CLIP4: variants seen among roughly 807,000 people sequenced by gnomAD.
CLIP4 encodes CAP-Gly domain-containing linker protein 4.
Under a neutral mutation model 73.1 loss-of-function variants are expected in CLIP4, and 47 were observed. The ratio of observed to expected loss-of-function variants is 0.64; its 90% CI spans 0.51 to 0.82. CLIP4 has a LOEUF of 0.82. Among genes scored for constraint, CLIP4 ranks in the 40% least tolerant of loss-of-function variants. CLIP4 has a pLI of 0.00. For synonymous variants in CLIP4, 306 were observed against 295.4 expected, an observed-to-expected ratio of 1.04 and a Z score of -0.37; for missense variants, 874 against 852.9, an observed-to-expected ratio of 1.02 and a Z score of -0.31.
In CLIP4 at chr2:29,182,068, G is replaced by T; in HGVS notation, c.*175G>T. 1 of 469,362 alleles carries T rather than the reference G, an allele frequency of 2.1e-6. No individual in the cohort carries two copies. Among genetic ancestry groups the T allele is most frequent in the Admixed American group, 4.0e-5 (1 of 24,890 alleles). 29.1% of individuals were successfully genotyped at this position (469,362 alleles called of 1,614,324 possible). A position where few individuals can be genotyped will look rare whatever the true frequency, so the allele number is the denominator to read the frequency against. ...TACAAAGCCATGAATATGAACTATGGGGAATCATGGTTCTTTTAAAGCAAT... is the reference window on the plus strand; with the variant it reads ...TACAAAGCCATGAATATGAACTATGTGGAATCATGGTTCTTTTAAAGCAAT... On this transcript the variant is annotated 3_prime_UTR_variant, in exon 16 of 16. Transcript: ENST00000320081.
chr2:29,169,814 C>T (rs12620500), intron 14 of CLIP4, among the ~76,000 whole-genome samples: 6,928 of 152,028 alleles, frequency 0.046, 250 homozygotes, highest in South Asian at 0.16. Flanking sequence ...TGTTGTTACC[C>T]GTAATTTTCC....
rs373710914 is a variant in CLIP4, at chr2:29,181,931, T to C, written c.*38T>C. On this transcript the variant is annotated 3_prime_UTR_variant, in exon 16 of 16. Transcript: ENST00000320081. Reference sequence around the variant, plus strand: ...TTAAATAAGCTCAAATATATATATTTGGTGTAAATAAAGAGTCCATGGTAA... The same window carrying C: ...TTAAATAAGCTCAAATATATATATTCGGTGTAAATAAAGAGTCCATGGTAA... 66 of 1,505,998 alleles carry C rather than the reference T, an allele frequency of 4.4e-5. No homozygotes were observed. In the African/African-American group the frequency reaches 8.5e-4, roughly 19 times the overall value. 93.3% of individuals were successfully genotyped at this position (1,505,998 alleles called of 1,614,324 possible). A position where few individuals can be genotyped will look rare whatever the true frequency, so the allele number is the denominator to read the frequency against.
chr2:29,176,809 C>T (rs1231372685), intron 15 of CLIP4, among the ~76,000 whole-genome samples: 1 of 152,196 alleles, frequency 6.6e-6, no homozygotes, highest in Non-Finnish European at 1.5e-5. Flanking sequence ...CTCACTGGGT[C>T]CTGTCTGTAG....
intron 13 of CLIP4, among the ~76,000 whole-genome samples, chr2:29,165,336 G>T (rs1169204795): frequency 6.6e-6 from 1 of 152,076 alleles, no homozygotes; most frequent in East Asian, 1.9e-4. Flanking sequence ...ACATGCTGGG[G>T]TCTGTTTGCA....
intron 11 of CLIP4, 103 bp downstream of exon 11, chr2:29,157,450 C>A (rs1335449160): frequency 6.3e-7 from 1 of 1,581,664 alleles, no homozygotes; most frequent in Non-Finnish European, 8.7e-7. Flanking sequence ...CCCTTTACTT[C>A]AATCAGATTG....
rs577116107 is a variant in CLIP4, at chr2:29,128,449, C to CAA, written c.134-2801_134-2800dup. The stretch of plus-strand genomic sequence containing the variant: ...ATGTAGTTGTTAAAAAAAACAAAAA[C>CAA]AAAAAAAAACAAAACCCCTTGACTT... On this transcript the variant is annotated intron_variant, in intron 2 of 15. Coordinates refer to ENST00000320081, the MANE Select transcript of CLIP4 (RefSeq NM_024692.6). 3.2e-3 allele frequency among the ~76,000 whole-genome samples: 473 copies of CAA among 148,224 alleles called. 2 individuals are homozygous for CAA. Among genetic ancestry groups the CAA allele is most frequent in the African/African-American group, 0.011 (448 of 40,492 alleles).
chr2:29,106,710 T>G (rs1035074208), intron 1 of CLIP4, among the ~76,000 whole-genome samples: 4 of 152,118 alleles, frequency 2.6e-5, no homozygotes, highest in African/African-American at 9.7e-5. Flanking sequence ...CATACTGCTT[T>G]TCAAGTAGAA....
chr2:29,124,113 C>T (rs1664439469), intron 2 of CLIP4, among the ~76,000 whole-genome samples: 1 of 151,218 alleles, frequency 6.6e-6, no homozygotes, highest in African/African-American at 2.4e-5. Flanking sequence ...AGTGTAGGTC[C>T]AGATTTCCAT....
intron 1 of CLIP4, among the ~76,000 whole-genome samples, chr2:29,121,045 A>G (rs1279329609): frequency 6.6e-6 from 1 of 152,196 alleles, no homozygotes; most frequent in Admixed American, 6.5e-5. Context: ...TACAAGGGTT[A>G]ATACGCCCTT....
At chr2:29,131,900 A>G (rs1183124839) in intron 3 of CLIP4, 3 of 438,484 alleles carry the variant, frequency 6.8e-6, no homozygotes, top group Non-Finnish European at 8.0e-6. Flanking sequence ...TGAGAGGAAC[A>G]TATTTGGAGT....
chr2:29,133,046 A>G (rs895207286), intron 4 of CLIP4, among the ~76,000 whole-genome samples: 2 of 152,010 alleles, frequency 1.3e-5, no homozygotes, highest in African/African-American at 2.4e-5. Context: ...AAATTAGCCA[A>G]CCATGGTGGT....
At chr2:29,157,137 C>G (rs575639780) in intron 10 of CLIP4, 67 bp from the exon 11 acceptor site, 1 of 1,405,334 alleles carries the variant, frequency 7.1e-7, no homozygotes, top group Admixed American at 1.7e-5. Context: ...AAAGATTTGC[C>G]TTGACAAGCT....
chr2:29,150,774 C>T (rs3100234), intron 8 of CLIP4, among the ~76,000 whole-genome samples: 133,580 of 151,332 alleles, frequency 0.88, 59,103 homozygotes, highest in Non-Finnish European at 0.91. Context: ...CACGCACCAC[C>T]GTGCCTGGCT....
chr2:29,178,007 ATTAT>A (rs1436945923), intron 15 of CLIP4, among the ~76,000 whole-genome samples: 5 of 152,128 alleles, frequency 3.3e-5, no homozygotes, highest in African/African-American at 1.2e-4. Context: ...TGTTGAATCC[ATTAT>A]TTACTTGTTT....
rs868318859 is a variant in CLIP4 at position 29,167,738 on chromosome 2, C to G, written c.1723+198C>G. On this transcript the variant is annotated intron_variant, in intron 14 of 15. Transcript: ENST00000320081. The stretch of plus-strand genomic sequence containing the variant: ...CTGACCTGTAGAAACCCCTGAGTAC[C>G]CCATCCCATCTCATCTGCCTTGCTC... 7 of 422,116 alleles carry G rather than the reference C, an allele frequency of 1.7e-5. No individual in the cohort carries two copies. In the Admixed American group the frequency reaches 1.7e-4, roughly 10 times the overall value. 26.1% of individuals were successfully genotyped at this position (422,116 alleles called of 1,614,324 possible). A position where few individuals can be genotyped will look rare whatever the true frequency, so the allele number is the denominator to read the frequency against.
intron 12 of CLIP4, 77 bp from the exon 13 acceptor site, chr2:29,163,754 G>T: frequency 7.2e-7 from 1 of 1,397,522 alleles, no homozygotes; most frequent in South Asian, 1.7e-5. Flanking sequence ...AAAACACCTC[G>T]ACTTTGGTTT....
intron 6 of CLIP4, among the ~76,000 whole-genome samples, chr2:29,141,104 C>T (rs771114938): frequency 7.9e-5 from 12 of 152,048 alleles, no homozygotes; most frequent in Non-Finnish European, 1.2e-4. Context: ...CATTCTGGAG[C>T]AAGTTTTCTA....
At chr2:29,174,593 G>A in intron 15 of CLIP4, 148 bp downstream of exon 15, 1 of 1,372,224 alleles carries the variant, frequency 7.3e-7, no homozygotes, top group Non-Finnish European at 9.4e-7. Flanking sequence ...GTATTGAGAA[G>A]CGTTCTTCCT....
At chr2:29,175,905 G>A (rs1334762337) in intron 15 of CLIP4, among the ~76,000 whole-genome samples, 1 of 151,316 alleles carries the variant, frequency 6.6e-6, no homozygotes, top group Non-Finnish European at 1.5e-5. Flanking sequence ...GGGACTACAG[G>A]CGCCCGCCAC....
Sources: gnomAD v4.1 joint callset for allele counts (sites outside exome capture counted in the v4.1 genomes callset) on GRCh38, gnomAD v4.1.1 for gene constraint, MANE v1.5 for transcripts, NCBI Gene and HGNC (gene_info 2026-07-23, HGNC 2026-07-21) for gene names.